Variants in TRIP13 observed in about 807,000 individuals in gnomAD.
The protein encoded by TRIP13 is pachytene checkpoint protein 2 homolog.
In TRIP13, 25 loss-of-function variants were observed where a neutral mutation model predicts 54.4. The observed-to-expected ratio is 0.46, with a 90% CI of 0.33 to 0.64. The LOEUF (loss-of-function observed/expected upper bound fraction) is 0.64. Ranked by LOEUF, TRIP13 falls within the 30% of genes least tolerant of loss-of-function variation. The pLI, the probability that TRIP13 is intolerant of heterozygous loss-of-function variation, is 0.02. For missense variants in TRIP13, 373 were observed against 534.2 expected (o/e 0.70, Z 2.97); for synonymous variants, 207 against 207.8 (o/e 1.00, Z 0.03).
chr5:914,419 A>C (rs1243516756), intron 10 of TRIP13, 46 bp from the exon 11 acceptor site: 2 of 1,416,262 alleles, frequency 1.4e-6, no homozygotes, highest in Non-Finnish European at 2.0e-6. Flanking sequence ...GCCTACGCTC[A>C]GGCCTCTGTG....
At position 911,118 on chromosome 5, in the gene TRIP13, T is replaced by C. The variant is rs1754222098; in HGVS notation, c.867-725T>C. On this transcript the variant is annotated intron_variant, in intron 9 of 12. Transcript: ENST00000166345. This position sits in a 1 kb window ranked among gnomAD's most constrained non-coding sequence, Gnocchi z 4.7. ...TCAACAGACCAGACAACAGGGGCTC[T>C]CTCTATGGAGTTTAGACGCTAGAGG... is the stretch of plus-strand genomic sequence containing the variant. Among the ~76,000 whole-genome samples, 1 of 152,192 alleles carries C rather than the reference T, an allele frequency of 6.6e-6. No individual in the cohort carries two copies. The highest frequency in any genetic ancestry group is 2.4e-5 in the African/African-American group (1 of 41,448).
intron 4 of TRIP13, among the ~76,000 whole-genome samples, 187 bp downstream of exon 4, chr5:900,736 T>A (rs1753966783): frequency 6.6e-6 from 1 of 152,174 alleles, no homozygotes; most frequent in South Asian, 2.1e-4. Context: ...TCTGAGGAGC[T>A]CCCTGAGGGA....
chr5:907,921 G>A lies in TRIP13; in HGVS notation c.673-67G>A. The A allele has an allele frequency of 6.5e-7, 1 of 1,544,932 alleles. No homozygotes were observed. Among genetic ancestry groups the A allele is most frequent in the Non-Finnish European group, 8.9e-7 (1 of 1,117,634 alleles). ...ACAACTGGGGCAGCAGGCCACATCA[G>A]GGTCCCCCTGTGCACCTGGCAGTGT... On this transcript the variant is annotated intron_variant, in intron 7 of 12. Coordinates refer to ENST00000166345, the MANE Select transcript of TRIP13 (RefSeq NM_004237.4). This position sits in a 1 kb window ranked among gnomAD's most constrained non-coding sequence, Gnocchi z 4.1.
At chr5:910,271 C>T (rs920538799) in intron 9 of TRIP13, among the ~76,000 whole-genome samples, 9 of 152,238 alleles carry the variant, frequency 5.9e-5, no homozygotes, top group African/African-American at 1.7e-4. Context: ...CTTTGTGCCT[C>T]CCTCCCCGGC....
At chr5:909,830 C>T (rs1261740540) in intron 9 of TRIP13, among the ~76,000 whole-genome samples, 1 of 152,270 alleles carries the variant, frequency 6.6e-6, no homozygotes, top group East Asian at 1.9e-4. Flanking sequence ...GTCCTTAAGG[C>T]ACAGATCGCT....
chr5:908,599 C>T lies in TRIP13; in HGVS notation c.866+138C>T. On this transcript the variant is annotated intron_variant, in intron 9 of 12. Coordinates refer to ENST00000166345, the MANE Select transcript of TRIP13 (RefSeq NM_004237.4). This position sits in a 1 kb window ranked among gnomAD's most constrained non-coding sequence, Gnocchi z 5.2. ...GTGCATTTGGCATTGAGTATCGACT[C>T]CTTTTCCACATTGGAAGCAGCATAT... The T allele has an allele frequency of 6.7e-7, 1 of 1,484,762 alleles. No homozygotes were observed. The highest frequency in any genetic ancestry group is 1.3e-5 in the South Asian group (1 of 76,310). 92.0% of individuals were successfully genotyped at this position (1,484,762 alleles called of 1,614,324 possible).
In TRIP13 at chr5:912,151, G is replaced by A. The variant is rs1754246790; in HGVS notation, c.1020+155G>A. Among the ~76,000 whole-genome samples, 1 of 152,138 alleles carries A rather than the reference G, an allele frequency of 6.6e-6. No individual in the cohort carries two copies. The highest frequency in any genetic ancestry group is 2.4e-5 in the African/African-American group (1 of 41,438). ...TTGAAAACTAGTTTTGTATGTGACA[G>A]GTTGAGCTGATAGTTGAAACTAGGG... On this transcript the variant is annotated intron_variant, in intron 10 of 12. Transcript: ENST00000166345. This position sits in a 1 kb window ranked among gnomAD's most constrained non-coding sequence, Gnocchi z 7.2.
chr5:901,125 T>G (rs1433468306), intron 4 of TRIP13, among the ~76,000 whole-genome samples: 1 of 152,262 alleles, frequency 6.6e-6, no homozygotes, highest in Non-Finnish European at 1.5e-5. Flanking sequence ...TCTTCTTATA[T>G]TTATAATAGT....
chr5:907,121 C>T lies in TRIP13; in HGVS notation c.609-9C>T, dbSNP rs1313488015. The T allele has an allele frequency of 1.9e-6, 3 of 1,612,736 alleles. No individual in the cohort carries two copies. The Admixed American group carries it at 5.0e-5, about 27-fold the overall frequency. On this transcript the variant is annotated splice_polypyrimidine_tract_variant and intron_variant, in intron 6 of 12. Coordinates refer to ENST00000166345, the MANE Select transcript of TRIP13 (RefSeq NM_004237.4). This position sits in a 1 kb window ranked among gnomAD's most constrained non-coding sequence, Gnocchi z 4.1. ...TAGTAATTCTCTCAACTCCTTTTTT[C>T]TATCTCAGGTACCGATATGGCCAAT...
Position 915,058 on chromosome 5 carries a change from G to C in TRIP13, c.1133+481G>C, listed in dbSNP as rs537083519. The stretch of plus-strand genomic sequence containing the variant: ...GAGGCTGGGGAGGTGCCGGAGAGGC[G>C]GGGGGTGGAATGGACAGAGCCTCGG... On this transcript the variant is annotated intron_variant, in intron 11 of 12. Coordinates refer to ENST00000166345, the MANE Select transcript of TRIP13 (RefSeq NM_004237.4). This position sits in a 1 kb window ranked among gnomAD's most constrained non-coding sequence, Gnocchi z 4.2. Among the ~76,000 whole-genome samples, 3 of 152,174 alleles carry C rather than the reference G, an allele frequency of 2.0e-5. No individual in the cohort carries two copies. Among genetic ancestry groups the C allele is most frequent in the African/African-American group, 4.8e-5 (2 of 41,494 alleles).
intron 4 of TRIP13, 32 bp from the exon 5 acceptor site, chr5:901,309 C>T: frequency 6.2e-7 from 1 of 1,604,574 alleles, no homozygotes; most frequent in Non-Finnish European, 8.5e-7. Context: ...TTGTTGGTAT[C>T]TTTGTCAAGC....
At chr5:914,740 T>TGC (rs1754309548) in intron 11 of TRIP13, among the ~76,000 whole-genome samples, 163 bp downstream of exon 11, 2 of 151,604 alleles carry the variant, frequency 1.3e-5, no homozygotes, top group South Asian at 2.1e-4. Context: ...TGTGTGTGTG[T>TGC]GCATGTGAGT....
rs557161712 is a variant in TRIP13 at position 911,519 on chromosome 5, C to T, written c.867-324C>T. ...CGGCGAGGCGGAGCTTGCAGTGAGC[C>T]GAGATAGCACCACTGCACTCCAGCC... On this transcript the variant is annotated intron_variant, in intron 9 of 12. Transcript: ENST00000166345. This position sits in a 1 kb window ranked among gnomAD's most constrained non-coding sequence, Gnocchi z 4.7. Among the ~76,000 whole-genome samples the T allele has an allele frequency of 2.8e-4, 42 of 150,736 alleles. No individual in the cohort carries two copies. The highest frequency in any genetic ancestry group is 1.2e-3 in the East Asian group (6 of 5,114).
chr5:900,585 A>G lies in TRIP13; in HGVS notation c.444+36A>G, dbSNP rs764043333. 5.0e-6 allele frequency: 8 copies of G among 1,605,238 alleles called. No homozygotes were observed. In the African/African-American group the frequency reaches 1.1e-4, roughly 22 times the overall value. On this transcript the variant is annotated intron_variant, in intron 4 of 12. Transcript: ENST00000166345. Reference sequence around the variant, plus strand: ...GTGCCTTTTCCCAGAATGCCCTGTTATTTGAAGAGGAACCATTACTGTTTT... The same window carrying G: ...GTGCCTTTTCCCAGAATGCCCTGTTGTTTGAAGAGGAACCATTACTGTTTT...
intron 11 of TRIP13, 64 bp downstream of exon 11, chr5:914,641 T>G: frequency 7.2e-7 from 1 of 1,387,788 alleles, no homozygotes; most frequent in South Asian, 1.2e-5. Flanking sequence ...TAGGGAGTCA[T>G]TGTTTCCTTT....
At chr5:906,185 C>T (rs1754111622) in intron 6 of TRIP13, among the ~76,000 whole-genome samples, 1 of 152,048 alleles carries the variant, frequency 6.6e-6, no homozygotes, top group Admixed American at 6.5e-5. Flanking sequence ...GAGACCCTGC[C>T]TCCAAAGAGT....
rs980674351 is a variant in TRIP13 at position 912,268 on chromosome 5, C to T, written c.1020+272C>T. ...AGTCAGTGTAGGGGACGTCAGTGAC[C>T]GGCTGTGTTTACCTGGCTGGCTGCA... On this transcript the variant is annotated intron_variant, in intron 10 of 12. Coordinates refer to ENST00000166345, the MANE Select transcript of TRIP13 (RefSeq NM_004237.4). The surrounding 1 kb of genome is among the most constrained non-coding windows in gnomAD (Gnocchi z 7.2). 1.3e-5 allele frequency among the ~76,000 whole-genome samples: 2 copies of T among 151,684 alleles called. No homozygotes were observed. Among genetic ancestry groups the T allele is most frequent in the African/African-American group, 4.8e-5 (2 of 41,252 alleles).
chr5:901,124 A>G (rs986219550), intron 4 of TRIP13, among the ~76,000 whole-genome samples: 1 of 152,172 alleles, frequency 6.6e-6, no homozygotes, highest in African/African-American at 2.4e-5. Context: ...CTCTTCTTAT[A>G]TTTATAATAG....
chr5:896,573 T>G, intron 2 of TRIP13, 92 bp from the exon 3 acceptor site: 3 of 1,385,168 alleles, frequency 2.2e-6, no homozygotes, highest in East Asian at 2.4e-5. Context: ...TACATTCAGT[T>G]TTTATTTGTA....
Sources: allele counts gnomAD v4.1 joint callset (sites outside exome capture counted in the v4.1 genomes callset), GRCh38; gene constraint gnomAD v4.1.1; non-coding constraint Gnocchi (gnomAD v3.1); transcripts MANE v1.5; gene names NCBI Gene and HGNC (gene_info 2026-07-23, HGNC 2026-07-21).